CKAP5: variants seen among roughly 807,000 people sequenced by gnomAD.
CKAP5 encodes the protein cytoskeleton-associated protein 5.
CKAP5 carries 27 observed loss-of-function variants against 232.8 expected under a neutral mutation model. The observed-to-expected ratio is 0.12, with a 90% CI of 0.09 to 0.16. The LOEUF (loss-of-function observed/expected upper bound fraction) is 0.16, where lower values mean the gene tolerates loss of function less well. Ranked by LOEUF, CKAP5 falls within the 10% of genes least tolerant of loss-of-function variation. The probability of loss-of-function intolerance (pLI) is 1.00; values close to 1 mark genes in which losing one functional copy is unlikely to be tolerated. For synonymous variants in CKAP5, 785 were observed against 841.1 expected (o/e 0.93, Z 1.16); for missense variants, 1,838 against 2,424.7 (o/e 0.76, Z 5.08).
chr11:46,773,110 C>T (rs1489726428), intron 24 of CKAP5, among the ~76,000 whole-genome samples: 1 of 152,112 alleles, frequency 6.6e-6, no homozygotes, highest in Non-Finnish European at 1.5e-5. Context: ...TGAGGTAATT[C>T]TCTTTCATTA....
At chr11:46,784,416 T>C in intron 17 of CKAP5, 72 bp downstream of exon 17, 2 of 1,205,912 alleles carry the variant, frequency 1.7e-6, no homozygotes, top group Non-Finnish European at 2.4e-6. Flanking sequence ...AAACTAATGT[T>C]TAATTAGTAA....
At chr11:46,763,243 C>G in intron 29 of CKAP5, 64 bp from the exon 30 acceptor site, 1 of 1,323,116 alleles carries the variant, frequency 7.6e-7, no homozygotes, top group Non-Finnish European at 1.1e-6. Flanking sequence ...TTCTACTAGG[C>G]AAGTGTCTTT....
chr11:46,846,079 GC>G (rs1940183705), intron 1 of CKAP5, 140 bp downstream of exon 1: 1 of 151,978 alleles, frequency 6.6e-6, no homozygotes, highest in African/African-American at 2.4e-5. Context: ...TCGCTTCGCC[GC>G]CTCAGACCTG....
intron 19 of CKAP5, 50 bp downstream of exon 19, chr11:46,780,378 A>G: frequency 6.2e-7 from 1 of 1,613,612 alleles, no homozygotes; most frequent in East Asian, 2.2e-5. Context: ...ATAACTTTTT[A>G]AATCCACAAA....
At chr11:46,749,315 T>C (rs1258152020) in intron 42 of CKAP5, among the ~76,000 whole-genome samples, 2 of 150,974 alleles carry the variant, frequency 1.3e-5, no homozygotes, top group African/African-American at 4.9e-5. Flanking sequence ...ATTAGCTGGG[T>C]GTGGTGGCAC....
intron 26 of CKAP5, among the ~76,000 whole-genome samples, chr11:46,767,937 C>T (rs2134601401): frequency 6.6e-6 from 1 of 151,958 alleles, no homozygotes; most frequent in South Asian, 2.1e-4. Flanking sequence ...GGACTACAGG[C>T]CCGTGCCACC....
chr11:46,828,982 C>A (rs1939715860), intron 1 of CKAP5, among the ~76,000 whole-genome samples: 1 of 152,146 alleles, frequency 6.6e-6, no homozygotes, highest in South Asian at 2.1e-4. Flanking sequence ...TTGAACTGTA[C>A]ACTTAAAAAT....
chr11:46,758,615 G>C (rs184925135), intron 35 of CKAP5, among the ~76,000 whole-genome samples: 54 of 151,788 alleles, frequency 3.6e-4, no homozygotes, highest in African/African-American at 1.3e-3. Flanking sequence ...AGGATTACTT[G>C]AGTCCAGGAG....
rs773654316 is a variant in CKAP5, at chr11:46,767,649, A to G, written c.3337T>C (p.Cys1113Arg). The G allele has an allele frequency of 1.9e-6, 3 of 1,608,690 alleles. No individual in the cohort carries two copies. Among genetic ancestry groups the G allele is most frequent in the Non-Finnish European group, 2.5e-6 (3 of 1,176,836 alleles). The change falls in exon 27 of 44, where the codon TGT (cysteine) becomes CGT (arginine). Residue 1113 changes from cysteine to arginine, a missense_variant. Around this residue, in one of 6 missense-constraint regions of CKAP5, gnomAD observed 767 missense variants for 954.6 expected, o/e 0.80. Coordinates refer to ENST00000529230, the MANE Select transcript of CKAP5 (RefSeq NM_001008938.4). ...TTGGGTTCTGTACTGCTGGAAATAC[A>G]ATCTTCAGCAGGTGCTTTGAGGAAA... ...FQPASAPAED[C>R]ISSSTEPKPD...
In CKAP5 at chr11:46,816,275, T is replaced by G. The variant is rs768327370; in HGVS notation, c.381A>C (p.Glu127Asp). 3 of 1,614,194 alleles carry G rather than the reference T, an allele frequency of 1.9e-6. No individual in the cohort carries two copies. Among genetic ancestry groups the G allele is most frequent in the Non-Finnish European group, 2.5e-6 (3 of 1,180,024 alleles). The change falls in exon 4 of 44, where the codon GAA becomes GAC. Residue 127 changes from glutamate to aspartate, a missense_variant. By Grantham distance (45) the Glu-to-Asp change is conservative. Transcript: ENST00000529230. ...TATTGTCCAAGCCTTTCAGGAGCTC[T>G]TCTTGAACAGCCTCTCCTTTCTCAA... ...IEIEKGEAVQEELLKGLDNKN... is the reference protein window; with the variant it reads ...IEIEKGEAVQDELLKGLDNKN...
In CKAP5 at chr11:46,777,405, A is replaced by C; in HGVS notation, c.2862+34T>G. ...CCCAAAAATATGGCTGGCCTATTCC[A>C]GAATGGAGGCATGGTGAAAAGAGTT... On this transcript the variant is annotated intron_variant, in intron 23 of 43. Coordinates refer to ENST00000529230, the MANE Select transcript of CKAP5 (RefSeq NM_001008938.4). The C allele has an allele frequency of 2.2e-6, 3 of 1,370,224 alleles. No individual in the cohort carries two copies. The South Asian group carries it at 3.5e-5, about 16-fold the overall frequency. The allele number at this position is 1,370,224 out of a possible 1,614,324, so 84.9% of individuals were successfully genotyped here.
intron 4 of CKAP5, among the ~76,000 whole-genome samples, chr11:46,814,970 C>T (rs892174036): frequency 2.0e-5 from 3 of 152,140 alleles, no homozygotes; most frequent in Non-Finnish European, 4.4e-5. Flanking sequence ...TGCTTAAATA[C>T]CCTGAGGAGT....
intron 13 of CKAP5, among the ~76,000 whole-genome samples, chr11:46,794,187 T>A (rs538014062): frequency 2.6e-5 from 4 of 152,346 alleles, no homozygotes; most frequent in East Asian, 1.9e-4. Flanking sequence ...CTGGGGGCAG[T>A]GGCTCAGGTT....
intron 18 of CKAP5, among the ~76,000 whole-genome samples, chr11:46,782,569 G>C (rs12284886): frequency 6.6e-6 from 1 of 152,224 alleles, no homozygotes; most frequent in South Asian, 2.1e-4. Context: ...GCAAAATGTA[G>C]CATGGCACAG....
chr11:46,782,158 A>C (rs7111517), intron 18 of CKAP5, among the ~76,000 whole-genome samples: 100,447 of 151,714 alleles, frequency 0.66, 33,924 homozygotes, highest in Middle Eastern at 0.77. Context: ...CTCTCTCTCT[A>C]TATATATATT....
At chr11:46,762,872 G>A (rs937037855) in intron 30 of CKAP5, 104 bp downstream of exon 30, 2 of 1,439,556 alleles carry the variant, frequency 1.4e-6, no homozygotes, top group Non-Finnish European at 1.9e-6. Context: ...AAGTAGGGAA[G>A]GTACCGTGAT....
At chr11:46,757,947 G>A (rs1312988786) in intron 35 of CKAP5, among the ~76,000 whole-genome samples, 1 of 150,048 alleles carries the variant, frequency 6.7e-6, no homozygotes, top group African/African-American at 2.5e-5. Flanking sequence ...GAGTATAGTG[G>A]TGCAATCACA....
intron 12 of CKAP5, 54 bp from the exon 13 acceptor site, chr11:46,795,830 A>G: frequency 7.0e-7 from 1 of 1,425,104 alleles, no homozygotes; most frequent in African/African-American, 1.4e-5. Flanking sequence ...AAACACAACC[A>G]CTACGTTATT....
intron 37 of CKAP5, 134 bp from the exon 38 acceptor site, chr11:46,752,844 G>T (rs2134573812): frequency 1.6e-6 from 1 of 616,358 alleles, no homozygotes; most frequent in Non-Finnish European, 2.8e-6. Flanking sequence ...AATTGTCCTG[G>T]ACTACCTGAC....
Sources: allele counts gnomAD v4.1 joint callset (sites outside exome capture counted in the v4.1 genomes callset), GRCh38; gene constraint gnomAD v4.1.1; regional missense constraint gnomAD v4.1.1; transcripts MANE v1.5; gene names NCBI Gene and HGNC (gene_info 2026-07-23, HGNC 2026-07-21).